Variants in FRMD4A observed in about 807,000 individuals in gnomAD.
FRMD4A encodes FERM domain-containing protein 4A.
Under a neutral mutation model 129.1 loss-of-function variants are expected in FRMD4A, and 29 were observed. That is an observed-to-expected ratio of 0.22 (90% CI 0.17 to 0.31). FRMD4A has a LOEUF of 0.31. Ranked by LOEUF, FRMD4A falls within the 10% of genes least tolerant of loss-of-function variation. The probability of loss-of-function intolerance (pLI) is 1.00; values close to 1 mark genes in which losing one functional copy is unlikely to be tolerated. For missense variants in FRMD4A, 1,272 were observed against 1,375.8 expected (o/e 0.92, Z 1.19); for synonymous variants, 634 against 571.6 (o/e 1.11, Z -1.56).
intron 2 of FRMD4A, among the ~76,000 whole-genome samples, chr10:14,099,174 G>GTCACACTC (rs1246378334): frequency 1.3e-5 from 2 of 152,194 alleles, no homozygotes; most frequent in African/African-American, 4.8e-5. Context: ...CTCCATCATT[G>GTCACACTC]TCACACTCAG....
chr10:13,873,772 C>A (rs1402714217), intron 2 of FRMD4A, among the ~76,000 whole-genome samples: 2 of 151,684 alleles, frequency 1.3e-5, no homozygotes, highest in Non-Finnish European at 2.9e-5. Flanking sequence ...GTCTCCAACT[C>A]CTGACCTCTG....
intron 2 of FRMD4A, among the ~76,000 whole-genome samples, chr10:14,212,991 C>G (rs963486296): frequency 2.8e-4 from 43 of 152,272 alleles, no homozygotes; most frequent in Middle Eastern, 6.8e-3. Flanking sequence ...AATCCCAGCA[C>G]TTTGGGAGGC....
intron 12 of FRMD4A, among the ~76,000 whole-genome samples, chr10:13,729,197 A>G (rs956381874): frequency 5.3e-5 from 8 of 151,032 alleles, no homozygotes; most frequent in Non-Finnish European, 8.9e-5. Flanking sequence ...ACATACGAGA[A>G]GGCCCTTTGG....
intron 2 of FRMD4A, among the ~76,000 whole-genome samples, chr10:14,081,807 G>A (rs569837190): frequency 5.9e-5 from 9 of 152,330 alleles, no homozygotes; most frequent in Non-Finnish European, 1.0e-4. Context: ...CCAGCCTACT[G>A]TGGCAAATTC....
intron 2 of FRMD4A, among the ~76,000 whole-genome samples, chr10:14,147,962 T>C (rs1421769673): frequency 2.6e-5 from 4 of 152,198 alleles, no homozygotes; most frequent in Non-Finnish European, 5.9e-5. Context: ...AGGAGTAGAT[T>C]ATATAAACAA....
At chr10:13,720,135 G>C (rs1201145680) in intron 12 of FRMD4A, among the ~76,000 whole-genome samples, 1 of 152,124 alleles carries the variant, frequency 6.6e-6, no homozygotes, top group Non-Finnish European at 1.5e-5. Context: ...TGCAACCTCC[G>C]CCTCCTGGGT....
intron 2 of FRMD4A, among the ~76,000 whole-genome samples, chr10:14,171,689 GTCCATT>G (rs1208089792): frequency 6.6e-6 from 1 of 152,192 alleles, no homozygotes; most frequent in Non-Finnish European, 1.5e-5. Flanking sequence ...GACTGGTTAA[GTCCATT>G]ACATGGTGTA....
intron 22 of FRMD4A, chr10:13,654,763 C>G: frequency 1.9e-6 from 1 of 522,876 alleles, no homozygotes; most frequent in Non-Finnish European, 3.4e-6. Flanking sequence ...CACCTTCATT[C>G]TGAGTCAAGC....
At chr10:14,214,223 T>C (rs1002889196) in intron 2 of FRMD4A, among the ~76,000 whole-genome samples, 7 of 152,310 alleles carry the variant, frequency 4.6e-5, no homozygotes, top group African/African-American at 1.7e-4. Flanking sequence ...CTCAGAGTCC[T>C]TGGAAATGAC....
intron 2 of FRMD4A, among the ~76,000 whole-genome samples, chr10:14,186,784 G>C (rs550761220): frequency 1.3e-5 from 2 of 152,234 alleles, no homozygotes; most frequent in Admixed American, 1.3e-4. Flanking sequence ...TCATAGCTTT[G>C]ACTGTTCAGG....
At chr10:13,900,552 G>A (rs2094807625) in intron 2 of FRMD4A, among the ~76,000 whole-genome samples, 1 of 152,088 alleles carries the variant, frequency 6.6e-6, no homozygotes, top group Admixed American at 6.6e-5. Flanking sequence ...AAGTACCTTC[G>A]GCTAGCTCTC....
At chr10:14,143,269 T>C (rs892153217) in intron 2 of FRMD4A, among the ~76,000 whole-genome samples, 3 of 152,190 alleles carry the variant, frequency 2.0e-5, no homozygotes, top group African/African-American at 7.2e-5. Flanking sequence ...CAAAACATGG[T>C]ATATACATAC....
At chr10:14,313,319 C>A (rs1010340024) in intron 2 of FRMD4A, among the ~76,000 whole-genome samples, 3 of 152,090 alleles carry the variant, frequency 2.0e-5, no homozygotes, top group African/African-American at 7.2e-5. Flanking sequence ...GCTATGATTG[C>A]GCCTCTGCAA....
Position 13,714,021 on chromosome 10 carries a change from A to AAATATATATTTTATAT in FRMD4A, c.760-6909_760-6908insATATAAAATATATATT, listed in dbSNP as rs1225477259. 4.1e-3 allele frequency among the ~76,000 whole-genome samples: 6 copies of AAATATATATTTTATAT among 1,478 alleles called. 2 individuals carry two copies. The highest frequency in any genetic ancestry group is 7.5e-3 in the African/African-American group (6 of 804). 1.0% of individuals were successfully genotyped at this position (1,478 alleles called of 152,430 possible). A position where few individuals can be genotyped will look rare whatever the true frequency, so the allele number is the denominator to read the frequency against. ...ATACATATATAATATACATATATAA[A>AAATATATATTTTATAT]ATATACATATATATATATATATATA... is the stretch of plus-strand genomic sequence containing the variant. On this transcript the variant is annotated intron_variant, in intron 12 of 24. Coordinates refer to ENST00000357447, the MANE Select transcript of FRMD4A (RefSeq NM_018027.5).
intron 2 of FRMD4A, among the ~76,000 whole-genome samples, chr10:14,014,260 A>C (rs1025659532): frequency 1.7e-4 from 26 of 152,220 alleles, no homozygotes; most frequent in Non-Finnish European, 5.9e-5. Context: ...GAACCAAAAC[A>C]CACGCAAGAA....
At chr10:14,211,449 G>A (rs561317678) in intron 2 of FRMD4A, among the ~76,000 whole-genome samples, 13 of 152,298 alleles carry the variant, frequency 8.5e-5, no homozygotes, top group East Asian at 1.9e-4. Context: ...CTTAAGGCAC[G>A]CATCACTATT....
chr10:14,125,569 A>G (rs1413467476), intron 2 of FRMD4A, among the ~76,000 whole-genome samples: 1 of 152,206 alleles, frequency 6.6e-6, no homozygotes, highest in Non-Finnish European at 1.5e-5. Flanking sequence ...TGCCTGCTCT[A>G]AGGTTAGAAT....
chr10:14,277,426 A>G (rs72778680), intron 2 of FRMD4A, among the ~76,000 whole-genome samples: 5,389 of 152,336 alleles, frequency 0.035, 131 homozygotes, highest in Middle Eastern at 0.058. Context: ...GGGACCCCAG[A>G]GAGCTGCCTC....
At chr10:14,251,157 G>T (rs1164139474) in intron 2 of FRMD4A, among the ~76,000 whole-genome samples, 2 of 152,078 alleles carry the variant, frequency 1.3e-5, no homozygotes, top group African/African-American at 4.8e-5. Flanking sequence ...TTTCAAAGTG[G>T]GATAAACTTA....
Sources: allele counts gnomAD v4.1 joint callset (sites outside exome capture counted in the v4.1 genomes callset), GRCh38; gene constraint gnomAD v4.1.1; transcripts MANE v1.5; gene names NCBI Gene and HGNC (gene_info 2026-07-23, HGNC 2026-07-21).